Variants in ARHGAP24 observed in about 807,000 individuals in gnomAD.
The protein encoded by ARHGAP24 is rho GTPase-activating protein 24.
Under a neutral mutation model 76.4 loss-of-function variants are expected in ARHGAP24, and 50 were observed. The ratio of observed to expected loss-of-function variants is 0.65; its 90% CI spans 0.52 to 0.83. The LOEUF (loss-of-function observed/expected upper bound fraction) is 0.83. ARHGAP24 is among the 40% of genes least tolerant of loss of function. The probability of loss-of-function intolerance (pLI) is 0.00; values close to 1 mark genes in which losing one functional copy is unlikely to be tolerated. For missense variants in ARHGAP24, 930 were observed against 914.2 expected (o/e 1.02, Z -0.22); for synonymous variants, 345 against 323.3 (o/e 1.07, Z -0.72).
intron 3 of ARHGAP24, among the ~76,000 whole-genome samples, chr4:85,725,471 T>A (rs547889066): frequency 2.1e-4 from 32 of 152,336 alleles, no homozygotes; most frequent in African/African-American, 7.2e-4. Flanking sequence ...AGAAACTCCT[T>A]ACATGTTTCC....
intron 3 of ARHGAP24, among the ~76,000 whole-genome samples, chr4:85,910,632 C>A (rs1341083118): frequency 6.6e-6 from 1 of 152,242 alleles, no homozygotes; most frequent in African/African-American, 2.4e-5. Flanking sequence ...TTGCTCCTCT[C>A]TGCAGCTGTT....
intron 3 of ARHGAP24, among the ~76,000 whole-genome samples, chr4:85,857,161 A>G (rs1241213461): frequency 1.3e-5 from 2 of 152,218 alleles, no homozygotes; most frequent in Non-Finnish European, 2.9e-5. Flanking sequence ...CATTGAGGAT[A>G]CAGGAGTCAC....
chr4:85,623,059 C>G (rs560505676), intron 2 of ARHGAP24, among the ~76,000 whole-genome samples: 14 of 152,254 alleles, frequency 9.2e-5, no homozygotes, highest in African/African-American at 3.4e-4. Context: ...CCTGTTCACT[C>G]TCATGTAGTT....
At chr4:85,529,918 T>C (rs1424585057) in intron 1 of ARHGAP24, among the ~76,000 whole-genome samples, 1 of 152,000 alleles carries the variant, frequency 6.6e-6, no homozygotes, top group African/African-American at 2.4e-5. Context: ...AAAACTCTTT[T>C]CATTTTATTT....
At chr4:85,528,680 G>A (rs1725124521) in intron 1 of ARHGAP24, among the ~76,000 whole-genome samples, 1 of 152,034 alleles carries the variant, frequency 6.6e-6, no homozygotes, top group Non-Finnish European at 1.5e-5. Context: ...CTATGTGTTT[G>A]TTAAGTAAAG....
intron 1 of ARHGAP24, among the ~76,000 whole-genome samples, chr4:85,535,281 C>T (rs1725425413): frequency 2.0e-5 from 3 of 152,168 alleles, no homozygotes; most frequent in South Asian, 2.1e-4. Flanking sequence ...TTGCTCCTCA[C>T]TATTTCAAGC....
chr4:85,706,367 T>C (rs1421635802), intron 2 of ARHGAP24, among the ~76,000 whole-genome samples: 1 of 152,160 alleles, frequency 6.6e-6, no homozygotes, highest in Non-Finnish European at 1.5e-5. Context: ...GAACTGATAA[T>C]GTAAAATTTC....
intron 5 of ARHGAP24, among the ~76,000 whole-genome samples, chr4:85,949,175 C>T (rs190125925): frequency 2.4e-4 from 36 of 152,216 alleles, no homozygotes; most frequent in Middle Eastern, 6.8e-3. Flanking sequence ...TTCCCCTGTT[C>T]GTCAAGCTCT....
intron 3 of ARHGAP24, among the ~76,000 whole-genome samples, chr4:85,818,986 C>T (rs138601467): frequency 6.6e-6 from 1 of 152,216 alleles, no homozygotes; most frequent in East Asian, 1.9e-4. Context: ...TAAAGAGAAA[C>T]GTCATAGGGC....
chr4:85,719,376 A>G (rs573831566), intron 2 of ARHGAP24, among the ~76,000 whole-genome samples: 4 of 152,282 alleles, frequency 2.6e-5, no homozygotes, highest in Admixed American at 2.6e-4. Flanking sequence ...CTTGTAAGGC[A>G]TGGGGGGAGA....
intron 2 of ARHGAP24, among the ~76,000 whole-genome samples, chr4:85,716,954 C>T (rs1466237922): frequency 6.6e-6 from 1 of 152,010 alleles, no homozygotes; most frequent in Admixed American, 6.6e-5. Context: ...CCCGAAGTAG[C>T]CTCTCTAACC....
At chr4:85,869,043 C>CTAA (rs1318994809) in intron 3 of ARHGAP24, among the ~76,000 whole-genome samples, 12 of 151,760 alleles carry the variant, frequency 7.9e-5, no homozygotes, top group Non-Finnish European at 8.8e-5. Context: ...GTTTCAATAC[C>CTAA]AACTACTTCC....
chr4:85,731,025 CACAG>C (rs1380817670), intron 3 of ARHGAP24, among the ~76,000 whole-genome samples: 2,671 of 83,598 alleles, frequency 0.032, 43 homozygotes, highest in East Asian at 0.32. Flanking sequence ...CACACACACA[CACAG>C]AGAGAGAGAC....
At chr4:85,953,171 C>A (rs1737714964) in intron 5 of ARHGAP24, among the ~76,000 whole-genome samples, 1 of 152,058 alleles carries the variant, frequency 6.6e-6, no homozygotes, top group Admixed American at 6.5e-5. Flanking sequence ...CTTCATGAAG[C>A]CAGTAATTTT....
chr4:85,550,655 C>A (rs6531831), intron 1 of ARHGAP24, among the ~76,000 whole-genome samples: 139,195 of 152,206 alleles, frequency 0.91, 64,843 homozygotes, highest in East Asian at 1. Flanking sequence ...GTTTGTTATA[C>A]CAATATTGAT....
At chr4:85,960,950 AT>A (rs1738207914) in intron 5 of ARHGAP24, among the ~76,000 whole-genome samples, 1 of 152,110 alleles carries the variant, frequency 6.6e-6, no homozygotes, top group Admixed American at 6.6e-5. Context: ...CTAGATTTTG[AT>A]TTATAACAAA....
At chr4:85,590,576 T>G (rs1315351001) in intron 2 of ARHGAP24, among the ~76,000 whole-genome samples, 2 of 151,996 alleles carry the variant, frequency 1.3e-5, no homozygotes, top group East Asian at 1.9e-4. Context: ...GCCAGGCTGG[T>G]CTTGAACTCC....
intron 2 of ARHGAP24, among the ~76,000 whole-genome samples, chr4:85,712,012 C>G (rs994013021): frequency 7.2e-5 from 11 of 152,264 alleles, no homozygotes; most frequent in Middle Eastern, 3.4e-3. Flanking sequence ...CTTCAAAACC[C>G]TCCCTATTCT....
chr4:85,898,647 G>T (rs1417540731), intron 3 of ARHGAP24, among the ~76,000 whole-genome samples: 1 of 152,174 alleles, frequency 6.6e-6, no homozygotes, highest in Admixed American at 6.5e-5. Context: ...GCAGCATTGG[G>T]ATTTTGTTGG....
Sources: gnomAD v4.1 joint callset for allele counts (sites outside exome capture counted in the v4.1 genomes callset) on GRCh38, gnomAD v4.1.1 for gene constraint, MANE v1.5 for transcripts, NCBI Gene and HGNC (gene_info 2026-07-23, HGNC 2026-07-21) for gene names.